The following GUSB variants were observed in gnomAD, a reference collection of about 807,000 sequenced individuals.
GUSB encodes the protein beta-glucuronidase.
Under a neutral mutation model 74.6 loss-of-function variants are expected in GUSB, and 51 were observed. The ratio of observed to expected loss-of-function variants is 0.68; its 90% CI spans 0.55 to 0.86. The LOEUF (loss-of-function observed/expected upper bound fraction) is 0.86. GUSB is among the 40% of genes least tolerant of loss of function. The pLI, the probability that GUSB is intolerant of heterozygous loss-of-function variation, is 0.00. For missense variants in GUSB, 736 were observed against 853.7 expected, an observed-to-expected ratio of 0.86 and a Z score of 1.72; for synonymous variants, 360 against 348.3, an observed-to-expected ratio of 1.03 and a Z score of -0.37.
At chr7:65,965,925 CT>C (rs1790801873) in intron 10 of GUSB, among the ~76,000 whole-genome samples, 1 of 151,984 alleles carries the variant, frequency 6.6e-6, no homozygotes, top group Non-Finnish European at 1.5e-5. Context: ...AATCCCAGCA[CT>C]TTGGGAGGCC....
chr7:65,968,416 G>A (rs923029990), intron 9 of GUSB, among the ~76,000 whole-genome samples: 1 of 152,118 alleles, frequency 6.6e-6, no homozygotes, highest in Non-Finnish European at 1.5e-5. Context: ...GCTGGGAAGG[G>A]CTGTGAGAGG....
At chr7:65,977,328 C>G (rs1264117054) in intron 4 of GUSB, among the ~76,000 whole-genome samples, 1 of 152,060 alleles carries the variant, frequency 6.6e-6, no homozygotes, top group Non-Finnish European at 1.5e-5. Flanking sequence ...AGGCTCACAC[C>G]ACAATGTCCA....
intron 4 of GUSB, among the ~76,000 whole-genome samples, chr7:65,977,551 ATTTT>A (rs1030762965): frequency 6.6e-6 from 1 of 151,480 alleles, no homozygotes; most frequent in Admixed American, 6.6e-5. Context: ...CATTTATTTT[ATTTT>A]ATTTATTTAT....
chr7:65,963,803 C>T (rs900676480), intron 11 of GUSB, among the ~76,000 whole-genome samples: 2 of 152,202 alleles, frequency 1.3e-5, no homozygotes, highest in African/African-American at 4.8e-5. Flanking sequence ...ACCCTGACCT[C>T]CCAAAGTGCT....
Position 65,970,336 on chromosome 7 carries a change from G to T in GUSB, c.1422C>A (p.Asp474Glu). 1 of 1,613,152 alleles carries T rather than the reference G, an allele frequency of 6.2e-7. No homozygotes were observed. The change falls in exon 9 of 12, where the codon GAC becomes GAA. Residue 474 changes from aspartate to glutamate, a missense_variant. Physicochemically the swap from Asp to Glu is conservative, Grantham distance 45. This residue lies in a region of GUSB where 368 missense variants were observed against 489.9 expected (regional missense o/e 0.75). Transcript: ENST00000304895. ...KMVIAHTKSL[D>E]PSRPVTFVSN... ...TCACAAAGGTCACAGGCCGGGAGGG[G>T]TCCAAGGATTTGGTGTGAGCGATCA...
At chr7:65,969,701 A>C (rs2115895725) in intron 9 of GUSB, among the ~76,000 whole-genome samples, 1 of 152,260 alleles carries the variant, frequency 6.6e-6, no homozygotes, top group South Asian at 2.1e-4. Flanking sequence ...TGCCTCTACA[A>C]AAGAAAAAGA....
At chr7:65,971,931 C>T (rs1222345828) in intron 8 of GUSB, among the ~76,000 whole-genome samples, 4 of 151,664 alleles carry the variant, frequency 2.6e-5, no homozygotes, top group Admixed American at 6.6e-5. Context: ...CCCAGCTACT[C>T]GGGAGGCTGA....
chr7:65,974,797 C>A lies in GUSB; in HGVS notation c.1066-93G>T, dbSNP rs1791454513. On this transcript the variant is annotated intron_variant, in intron 6 of 11. Coordinates refer to ENST00000304895, the MANE Select transcript of GUSB (RefSeq NM_000181.4). ...CCTGGAGAGCCACCCCATGAGCCCCCTCTCCATTTGGAGCCATTTGCCTCA... is the reference window on the plus strand; with the variant it reads ...CCTGGAGAGCCACCCCATGAGCCCCATCTCCATTTGGAGCCATTTGCCTCA... 2.6e-6 allele frequency: 4 copies of A among 1,557,080 alleles called. No homozygotes were observed. In the East Asian group the frequency reaches 6.7e-5, roughly 26 times the overall value.
chr7:65,980,098 G>A (rs991057458), intron 2 of GUSB, 126 bp downstream of exon 2: 3 of 1,009,196 alleles, frequency 3.0e-6, no homozygotes, highest in Admixed American at 4.0e-5. Context: ...AGCCCCCAGG[G>A]CAGGGCAGGG....
Position 65,982,020 on chromosome 7 carries a change from C to A in GUSB, c.164G>T (p.Arg55Leu). 1.2e-6 allele frequency: 2 copies of A among 1,610,336 alleles called. No individual in the cohort carries two copies. The highest frequency in any genetic ancestry group is 1.7e-6 in the Non-Finnish European group (2 of 1,179,440). The change falls in exon 1 of 12, where the codon CGA becomes CTA. Residue 55 changes from arginine to leucine, a missense_variant. Coordinates refer to ENST00000304895, the MANE Select transcript of GUSB (RefSeq NM_000181.4). ...CCACTGCTCCTCGAAGCCCCGGCGT[C>A]GGTTGTCAGAGAAGTCGGCGCGGAA... The part of the protein sequence containing the change: ...WSFRADFSDN[R>L]RRGFEEQWYR...
chr7:65,968,432 C>T (rs1300214960), intron 9 of GUSB, among the ~76,000 whole-genome samples: 1 of 152,114 alleles, frequency 6.6e-6, no homozygotes, highest in East Asian at 1.9e-4. Flanking sequence ...AGAGGCACAG[C>T]AGCTGCCAAC....
intron 1 of GUSB, chr7:65,980,618 T>C: frequency 1.7e-6 from 1 of 601,682 alleles, no homozygotes; most frequent in Non-Finnish European, 3.0e-6. Flanking sequence ...CTCCTCAGAG[T>C]GGATGGGGCA....
chr7:65,982,124 C>A lies in GUSB; in HGVS notation c.60G>T (p.Ala20=). The change falls in exon 1 of 12, where the codon GCG becomes GCT. Residue 20 remains alanine, a synonymous_variant. Coordinates refer to ENST00000304895, the MANE Select transcript of GUSB (RefSeq NM_000181.4). Reference sequence around the variant, plus strand: ...ACAGCATCCCGCCCTGCAGCCCCAGCGCGCAGCCCCACAACAACGGCCCGA... The same window carrying A: ...ACAGCATCCCGCCCTGCAGCCCCAGAGCGCAGCCCCACAACAACGGCCCGA... The part of the protein sequence containing the change: ...AALGPLLWGC[A]LGLQGGMLYP... 6.4e-7 allele frequency: 1 copy of A among 1,570,406 alleles called. No homozygotes were observed.
chr7:65,967,498 G>A (rs915836846), intron 10 of GUSB, among the ~76,000 whole-genome samples: 5 of 152,112 alleles, frequency 3.3e-5, no homozygotes, highest in East Asian at 1.9e-4. Context: ...ACTTGGGCAC[G>A]GGTGATAGGA....
rs1486817108 is a variant in GUSB, at chr7:65,967,871, A to C, written c.1513T>G (p.Tyr505Asp). The change falls in exon 10 of 12, where the codon TAC becomes GAC. Residue 505 changes from tyrosine to aspartate, a missense_variant. This residue lies in a region of GUSB where 368 missense variants were observed against 489.9 expected (regional missense o/e 0.75). Coordinates refer to ENST00000304895, the MANE Select transcript of GUSB (RefSeq NM_000181.4). ...YVDVICLNSY[Y>D]SWYHDYGHLE... ...TGCCCGTAGTCGTGATACCAAGAGT[A>C]GTAGCTGTTCAAACAGATCACATCC... The C allele has an allele frequency of 1.9e-6, 3 of 1,603,982 alleles. No homozygotes were observed. The African/African-American group carries it at 4.0e-5, about 21-fold the overall frequency.
chr7:65,966,565 G>A (rs1790851396), intron 10 of GUSB, among the ~76,000 whole-genome samples: 1 of 152,156 alleles, frequency 6.6e-6, no homozygotes, highest in African/African-American at 2.4e-5. Context: ...GTCTGAGGCA[G>A]GACAATCACG....
At chr7:65,962,313 C>T (rs117020468) in intron 11 of GUSB, among the ~76,000 whole-genome samples, 5 of 152,252 alleles carry the variant, frequency 3.3e-5, no homozygotes, top group East Asian at 1.9e-4. Context: ...CAGCTGGCAA[C>T]GACCTGTCAG....
intron 5 of GUSB, 157 bp downstream of exon 5, chr7:65,975,858 A>G (rs1394087458): frequency 1.6e-6 from 1 of 614,652 alleles, no homozygotes; most frequent in Non-Finnish European, 2.8e-6. Flanking sequence ...CAAAAAAAAA[A>G]AAAAAAAAGA....
intron 11 of GUSB, among the ~76,000 whole-genome samples, chr7:65,962,535 G>T (rs2115817637): frequency 6.6e-6 from 1 of 152,242 alleles, no homozygotes; most frequent in African/African-American, 2.4e-5. Flanking sequence ...AAAAGCTTAG[G>T]TGACTTGCCC....
Sources: gnomAD v4.1 joint callset for allele counts (sites outside exome capture counted in the v4.1 genomes callset) on GRCh38, gnomAD v4.1.1 for gene constraint, gnomAD v4.1.1 regional missense constraint, MANE v1.5 for transcripts, NCBI Gene and HGNC (gene_info 2026-07-23, HGNC 2026-07-21) for gene names.